The following TNS1 variants were observed in gnomAD, a reference collection of about 807,000 sequenced individuals.
TNS1 encodes tensin-1.
Under a neutral mutation model 168.6 loss-of-function variants are expected in TNS1, and 62 were observed. The observed-to-expected ratio is 0.37, with a 90% CI of 0.30 to 0.45. TNS1 has a LOEUF of 0.45. Ranked by LOEUF, TNS1 falls within the 20% of genes least tolerant of loss-of-function variation. TNS1 has a pLI of 1.00. For missense variants in TNS1, 2,240 were observed against 2,339.4 expected (o/e 0.96, Z 0.88); for synonymous variants, 934 against 933.2 (o/e 1.00, Z -0.02).
chr2:217,979,080 A>AG (rs970268279), intron 2 of TNS1: 88 of 372,408 alleles, frequency 2.4e-4, no homozygotes, highest in East Asian at 1.7e-3. Context: ...GGGGGAGCAA[A>AG]GGGGGGGGTC....
intron 2 of TNS1, among the ~76,000 whole-genome samples, chr2:217,990,180 AGC>A (rs2126083484): frequency 6.8e-6 from 1 of 148,022 alleles, no homozygotes; most frequent in East Asian, 2.0e-4. Flanking sequence ...ACACATCCTC[AGC>A]ACACATCATC....
At chr2:218,001,313 T>C (rs13389420) in intron 1 of TNS1, among the ~76,000 whole-genome samples, 70,612 of 151,806 alleles carry the variant, frequency 0.47, 16,866 homozygotes, top group South Asian at 0.59. Flanking sequence ...GATACAAAAT[T>C]TCATCCCTAC....
chr2:217,934,107 C>A (rs1956473191), intron 3 of TNS1, among the ~76,000 whole-genome samples: 1 of 152,186 alleles, frequency 6.6e-6, no homozygotes, highest in Non-Finnish European at 1.5e-5. Flanking sequence ...AATGTGTTGG[C>A]CAAGGTCACA....
intron 4 of TNS1, among the ~76,000 whole-genome samples, chr2:217,919,758 G>A (rs988046161): frequency 3.9e-5 from 6 of 152,356 alleles, no homozygotes; most frequent in African/African-American, 1.4e-4. Context: ...GGGGCTTAGA[G>A]GCAGAACAGA....
At chr2:218,028,004 A>G (rs936894530) in intron 1 of TNS1, among the ~76,000 whole-genome samples, 10 of 152,212 alleles carry the variant, frequency 6.6e-5, no homozygotes, top group African/African-American at 2.4e-4. Flanking sequence ...AACGCTCAGA[A>G]GTTCCTGGGA....
intron 18 of TNS1, 50 bp from the exon 19 acceptor site, chr2:217,849,137 G>T (rs767243059): frequency 1.3e-6 from 2 of 1,563,038 alleles, no homozygotes; most frequent in Admixed American, 1.8e-5. Flanking sequence ...GACATTAGCG[G>T]GAGGCAGGGG....
chr2:217,894,117 C>G (rs907338505), intron 9 of TNS1, among the ~76,000 whole-genome samples: 3 of 152,212 alleles, frequency 2.0e-5, no homozygotes, highest in African/African-American at 7.2e-5. Flanking sequence ...AAAGGGCAGA[C>G]CTGAACAGCA....
rs1941890465 is a variant in TNS1, at chr2:217,816,415, A to C, written c.4642+1275T>G. On this transcript the variant is annotated intron_variant, in intron 24 of 32. Transcript: ENST00000682258. ...TCCAGTGCTTAGTCAATTTCAACCT[A>C]TGATTTACACTCCCTTATGCTTCTG... Among the ~76,000 whole-genome samples, 6 of 152,132 alleles carry C rather than the reference A, an allele frequency of 3.9e-5. No homozygotes were observed. In the South Asian group the frequency reaches 1.2e-3, roughly 32 times the overall value.
chr2:217,836,245 C>T (rs1417700992), intron 19 of TNS1, 34 bp from the exon 20 acceptor site: 2 of 1,573,364 alleles, frequency 1.3e-6, no homozygotes, highest in Non-Finnish European at 1.7e-6. Flanking sequence ...GGACAATGAG[C>T]ATTTTTGTGT....
At chr2:217,958,078 G>A (rs777144855) in intron 3 of TNS1, among the ~76,000 whole-genome samples, 1 of 151,404 alleles carries the variant, frequency 6.6e-6, no homozygotes, top group Non-Finnish European at 1.5e-5. Flanking sequence ...TGAGATTCAA[G>A]ATGATCTTAG....
chr2:217,948,608 C>A lies in TNS1; in HGVS notation c.187-28372G>T, dbSNP rs1042088065. Among the ~76,000 whole-genome samples, 3 of 152,138 alleles carry A rather than the reference C, an allele frequency of 2.0e-5. No individual in the cohort carries two copies. Among genetic ancestry groups the A allele is most frequent in the Non-Finnish European group, 4.4e-5 (3 of 67,992 alleles). Reference sequence around the variant, plus strand: ...CCAGGGTGCTTCCATCTCAGGATCACCCCCTAGTGGGGCCTCCTCACTAGG... The same window carrying A: ...CCAGGGTGCTTCCATCTCAGGATCAACCCCTAGTGGGGCCTCCTCACTAGG... On this transcript the variant is annotated intron_variant, in intron 3 of 32. Coordinates refer to ENST00000682258, the MANE Select transcript of TNS1 (RefSeq NM_001387777.1). The surrounding 1 kb of genome is among the most constrained non-coding windows in gnomAD (Gnocchi z 4.1).
upstream of TNS1, among the ~76,000 whole-genome samples, chr2:218,006,414 A>G (rs1958657737): frequency 1.3e-5 from 2 of 151,810 alleles, no homozygotes; most frequent in Admixed American, 6.5e-5. Context: ...CATCCAATTC[A>G]CTCTTCCTTT....
chr2:217,829,331 G>A (rs973741289), intron 22 of TNS1, among the ~76,000 whole-genome samples: 3 of 152,140 alleles, frequency 2.0e-5, no homozygotes, highest in African/African-American at 7.2e-5. Flanking sequence ...GTTGCAGTGA[G>A]CCGAGATCGT....
chr2:217,892,139 C>T (rs1353313744), intron 11 of TNS1, among the ~76,000 whole-genome samples: 1 of 152,130 alleles, frequency 6.6e-6, no homozygotes, highest in African/African-American at 2.4e-5. Context: ...TCCCTGTCTC[C>T]CAGGCTGGAG....
At chr2:217,909,504 A>G (rs1472966055) in intron 4 of TNS1, among the ~76,000 whole-genome samples, 1 of 151,880 alleles carries the variant, frequency 6.6e-6, no homozygotes, top group Non-Finnish European at 1.5e-5. Context: ...GCATGAGCCC[A>G]GGGGTCTCAA....
chr2:217,885,270 C>T, intron 15 of TNS1, 106 bp from the exon 16 acceptor site: 1 of 1,486,318 alleles, frequency 6.7e-7, no homozygotes, highest in South Asian at 1.3e-5. Flanking sequence ...AGGCTCACCC[C>T]AAACCCGGTG....
chr2:217,837,390 G>A (rs779367537), intron 19 of TNS1, among the ~76,000 whole-genome samples: 1 of 152,180 alleles, frequency 6.6e-6, no homozygotes, highest in Non-Finnish European at 1.5e-5. Flanking sequence ...CATAAACAGC[G>A]CCACCTGGGA....
rs570432004 is a variant in TNS1, at chr2:217,998,338, C to T, written c.33+4502G>A. ...TGCCCACATTTCTGAATATCAAGCC[C>T]ATTTTCTGCACTGAAACGAAATCAT... On this transcript the variant is annotated intron_variant, in intron 1 of 32. Transcript: ENST00000682258. Among the ~76,000 whole-genome samples, 13 of 152,284 alleles carry T rather than the reference C, an allele frequency of 8.5e-5. 1 individual carries two copies. Among genetic ancestry groups the T allele is most frequent in the Admixed American group, 7.8e-4 (12 of 15,304 alleles).
chr2:217,889,635 C>G (rs1042818564), intron 12 of TNS1, among the ~76,000 whole-genome samples: 1 of 152,234 alleles, frequency 6.6e-6, no homozygotes, highest in African/African-American at 2.4e-5. Context: ...CCCCATCACT[C>G]TCTAGCCATC....
Sources: gnomAD v4.1 joint callset for allele counts (sites outside exome capture counted in the v4.1 genomes callset) on GRCh38, gnomAD v4.1.1 for gene constraint, Gnocchi (gnomAD v3.1) non-coding constraint, MANE v1.5 for transcripts, NCBI Gene and HGNC (gene_info 2026-07-23, HGNC 2026-07-21) for gene names.